The following FNDC3B variants were observed in gnomAD, a reference collection of about 807,000 sequenced individuals.
FNDC3B encodes fibronectin type III domain containing 3B, also known as fibronectin type III domain-containing protein 3B.
FNDC3B carries 12 observed loss-of-function variants against 151.5 expected under a neutral mutation model. The ratio of observed to expected loss-of-function variants is 0.08; its 90% confidence interval spans 0.05 to 0.13. The LOEUF is 0.13. FNDC3B is among the 10% of genes least tolerant of loss of function. The pLI is 1.00. For synonymous variants in FNDC3B, 528 were observed against 549.0 expected (o/e 0.96, Z 0.54); for missense variants, 1,214 against 1,505.3 (o/e 0.81, Z 3.20).
chr3:172,386,663 A>C (rs1218502097), intron 25 of FNDC3B, among the ~76,000 whole-genome samples: 1 of 150,892 alleles, frequency 6.6e-6, no homozygotes, highest in Non-Finnish European at 1.5e-5. Context: ...AATGGCATGA[A>C]CCTGGAAGCA....
chr3:172,206,256 G>A (rs1725414185), intron 3 of FNDC3B, among the ~76,000 whole-genome samples: 1 of 152,186 alleles, frequency 6.6e-6, no homozygotes, highest in Non-Finnish European at 1.5e-5. Context: ...ATGTTGCCCT[G>A]AGTGGAAAGG....
chr3:172,152,485 C>T (rs567272549), intron 3 of FNDC3B, among the ~76,000 whole-genome samples: 9 of 152,158 alleles, frequency 5.9e-5, no homozygotes, highest in South Asian at 4.1e-4. Flanking sequence ...GCCCATTCTC[C>T]GTACCCTTCA....
At chr3:172,219,838 T>C (rs964821864) in intron 3 of FNDC3B, among the ~76,000 whole-genome samples, 3 of 152,246 alleles carry the variant, frequency 2.0e-5, no homozygotes, top group Non-Finnish European at 4.4e-5. Flanking sequence ...TGTACACATT[T>C]TATCCATCCT....
intron 3 of FNDC3B, among the ~76,000 whole-genome samples, chr3:172,162,204 C>T (rs1241847510): frequency 6.6e-6 from 1 of 152,116 alleles, no homozygotes; most frequent in Non-Finnish European, 1.5e-5. Flanking sequence ...TTCTCAAATT[C>T]CTGACCTCAG....
chr3:172,210,467 A>G (rs1216182025), intron 3 of FNDC3B, among the ~76,000 whole-genome samples: 1 of 152,110 alleles, frequency 6.6e-6, no homozygotes, highest in Non-Finnish European at 1.5e-5. Flanking sequence ...CAGCCTCCCA[A>G]GTATGCTGGG....
chr3:172,273,389 C>A (rs1317584497), intron 6 of FNDC3B, among the ~76,000 whole-genome samples: 3 of 152,134 alleles, frequency 2.0e-5, no homozygotes. Flanking sequence ...CTAAAGCCAC[C>A]TTCTTCATTG....
chr3:172,308,566 C>T (rs1731308961), intron 10 of FNDC3B, among the ~76,000 whole-genome samples: 1 of 152,140 alleles, frequency 6.6e-6, no homozygotes, highest in African/African-American at 2.4e-5. Context: ...CTGATGAAAG[C>T]AATTGAGAGT....
intron 1 of FNDC3B, among the ~76,000 whole-genome samples, chr3:172,087,468 T>G (rs2108506251): frequency 6.6e-6 from 1 of 152,248 alleles, no homozygotes; most frequent in Middle Eastern, 3.4e-3. Flanking sequence ...TAAAAGAGCT[T>G]ATAACTTGGT....
chr3:172,077,170 G>C (rs892108543), intron 1 of FNDC3B, among the ~76,000 whole-genome samples: 1 of 151,918 alleles, frequency 6.6e-6, no homozygotes, highest in Non-Finnish European at 1.5e-5. Context: ...ATAAAAAAAA[G>C]TGTTTATAAT....
intron 1 of FNDC3B, among the ~76,000 whole-genome samples, chr3:172,084,149 C>T (rs1332968977): frequency 3.3e-5 from 5 of 151,938 alleles, no homozygotes; most frequent in Non-Finnish European, 7.4e-5. Context: ...GGGCTTGGGA[C>T]GTTTACAAAG....
chr3:172,369,907 T>C (rs1034796851), intron 23 of FNDC3B, among the ~76,000 whole-genome samples: 1 of 151,770 alleles, frequency 6.6e-6, no homozygotes, highest in Non-Finnish European at 1.5e-5. Flanking sequence ...CTCTCTCTCT[T>C]TCTCTCTCTC....
intron 3 of FNDC3B, among the ~76,000 whole-genome samples, chr3:172,188,703 C>G (rs1321638599): frequency 1.3e-5 from 2 of 152,154 alleles, no homozygotes; most frequent in South Asian, 2.1e-4. Flanking sequence ...CGGCTCCCGG[C>G]CCGAAACTGA....
At chr3:172,193,090 A>C (rs1316070177) in intron 3 of FNDC3B, among the ~76,000 whole-genome samples, 1 of 148,510 alleles carries the variant, frequency 6.7e-6, no homozygotes, top group Non-Finnish European at 1.5e-5. Flanking sequence ...TTACTGTGTC[A>C]ATATTAGGTC....
intron 2 of FNDC3B, among the ~76,000 whole-genome samples, chr3:172,118,185 A>G (rs1720357330): frequency 6.6e-6 from 1 of 152,200 alleles, no homozygotes; most frequent in Non-Finnish European, 1.5e-5. Flanking sequence ...AAAGCTTTCC[A>G]CCCTCAGATG....
intron 3 of FNDC3B, among the ~76,000 whole-genome samples, chr3:172,147,990 C>T (rs1722006264): frequency 6.6e-6 from 1 of 151,924 alleles, no homozygotes; most frequent in African/African-American, 2.4e-5. Context: ...TTTTTCCTCC[C>T]TTTTCTACAG....
intron 1 of FNDC3B, among the ~76,000 whole-genome samples, chr3:172,105,390 A>G (rs1719591952): frequency 6.6e-6 from 1 of 152,172 alleles, no homozygotes; most frequent in Non-Finnish European, 1.5e-5. Flanking sequence ...AGCCATTTAG[A>G]AACTAGTCTT....
chr3:172,188,171 T>G (rs1724301930), intron 3 of FNDC3B, among the ~76,000 whole-genome samples: 1 of 149,656 alleles, frequency 6.7e-6, no homozygotes, highest in African/African-American at 2.5e-5. Context: ...AATTTTGTAT[T>G]TTTAGTAGAG....
intron 1 of FNDC3B, among the ~76,000 whole-genome samples, chr3:172,042,596 A>AAATTCTAGT (rs771846371): frequency 1.6e-4 from 24 of 152,208 alleles, no homozygotes; most frequent in Non-Finnish European, 2.4e-4. Flanking sequence ...TATCTCATTA[A>AAATTCTAGT]AATTCTAGTA....
intron 3 of FNDC3B, among the ~76,000 whole-genome samples, chr3:172,192,169 G>GTGTT (rs1553771178): frequency 8.0e-5 from 7 of 87,406 alleles, no homozygotes; most frequent in Non-Finnish European, 9.8e-5. Flanking sequence ...TTTTGTGTGT[G>GTGTT]TTTTTTGTTT....
Sources: gnomAD v4.1 joint callset for allele counts (sites outside exome capture counted in the v4.1 genomes callset) on GRCh38, gnomAD v4.1.1 for gene constraint, MANE v1.5 for transcripts, NCBI Gene and HGNC (gene_info 2026-07-23, HGNC 2026-07-21) for gene names.